The following MYH3 variants were observed in gnomAD, a reference collection of about 807,000 sequenced individuals.
MYH3 encodes myosin heavy chain 3.
MYH3 carries 130 observed loss-of-function variants against 238.0 expected under a neutral mutation model. The observed-to-expected ratio is 0.55, with a 90% CI of 0.47 to 0.63. The LOEUF (loss-of-function observed/expected upper bound fraction) is 0.63. Among genes scored for constraint, MYH3 ranks in the 30% least tolerant of loss-of-function variants. The pLI is 0.00. For missense variants in MYH3, 1,853 were observed against 2,374.9 expected, an observed-to-expected ratio of 0.78 and a Z score of 4.57; for synonymous variants, 880 against 924.1, an observed-to-expected ratio of 0.95 and a Z score of 0.86.
intron 12 of MYH3, 73 bp from the exon 13 acceptor site, chr17:10,644,775 G>A (rs1359721886): frequency 2.4e-6 from 3 of 1,233,030 alleles, no homozygotes; most frequent in Non-Finnish European, 3.6e-6. Context: ...AGTTTCAAAG[G>A]TTGGTTAAGT....
chr17:10,644,752 A>C lies in MYH3; in HGVS notation c.1142-50T>G, dbSNP rs929182044. 2.1e-6 allele frequency: 3 copies of C among 1,419,758 alleles called. No individual in the cohort carries two copies. The African/African-American group carries it at 4.2e-5, about 20-fold the overall frequency. 87.9% of individuals were successfully genotyped at this position (1,419,758 alleles called of 1,614,324 possible). Reference sequence around the variant, plus strand: ...TTAGAAAAGTAGAAGAGCTGCTTTGAAAATCATCCAGAAGTTTCAAAGGTT... The same window carrying C: ...TTAGAAAAGTAGAAGAGCTGCTTTGCAAATCATCCAGAAGTTTCAAAGGTT... On this transcript the variant is annotated intron_variant, in intron 12 of 40. Transcript: ENST00000583535.
intron 7 of MYH3, among the ~76,000 whole-genome samples, chr17:10,648,867 G>A (rs2074348457): frequency 6.6e-6 from 1 of 152,100 alleles, no homozygotes; most frequent in African/African-American, 2.4e-5. Context: ...TAGAGATGGG[G>A]TTTCTCCATA....
upstream of MYH3, among the ~76,000 whole-genome samples, chr17:10,660,625 C>A (rs1035750580): frequency 6.7e-6 from 1 of 150,062 alleles, no homozygotes; most frequent in East Asian, 2.0e-4. Context: ...TGCAGTGAGC[C>A]GAGATCATGC....
chr17:10,640,670 C>A lies in MYH3; in HGVS notation c.2182G>T (p.Ala728Ser). 2 of 1,614,216 alleles carry A rather than the reference C, an allele frequency of 1.2e-6. No homozygotes were observed. The highest frequency in any genetic ancestry group is 1.7e-6 in the Non-Finnish European group (2 of 1,180,030). ...DFKQRYRVLN[A>S]SAIPEGQFID... The stretch of plus-strand genomic sequence containing the variant: ...AATTGTCCCTCAGGGATTGCACTGG[C>A]ATTCAGCACTCGGTATCTGCATTGT... Residue 728 changes from alanine (A) to serine (S), a missense_variant, in exon 20 of 41, where the codon GCC (alanine) becomes TCC (serine). Ala to Ser is a moderately conservative substitution (Grantham distance 99). This residue lies in a region of MYH3 where 678 missense variants were observed against 1,058.9 expected (regional missense o/e 0.64). Coordinates refer to ENST00000583535, the MANE Select transcript of MYH3 (RefSeq NM_002470.4).
At chr17:10,667,761 A>AAAAAAT in the MYH3 span, among the ~76,000 whole-genome samples, 371 of 152,196 alleles carry the variant, frequency 2.4e-3, 4 homozygotes, top group African/African-American at 8.1e-3. Context: ...TTAAAAAAAA[A>AAAAAAT]ACAGTGTTCT....
intron 7 of MYH3, among the ~76,000 whole-genome samples, 159 bp downstream of exon 7, chr17:10,649,418 G>A (rs1361434260): frequency 1.3e-5 from 2 of 152,188 alleles, no homozygotes; most frequent in African/African-American, 2.4e-5. Context: ...TTGACACTGC[G>A]TTGTCTAAGG....
chr17:10,675,805 C>T, the MYH3 span: 1 of 152,140 alleles, frequency 6.6e-6, no homozygotes, highest in Non-Finnish European at 1.5e-5. Flanking sequence ...CTGAATAACG[C>T]CACCCTATGT....
chr17:10,674,953 A>G, the MYH3 span: 1 of 152,224 alleles, frequency 6.6e-6, no homozygotes, highest in African/African-American at 2.4e-5. Context: ...CTTGACTGAC[A>G]ACGACCAGCT....
intron 14 of MYH3, 89 bp downstream of exon 14, chr17:10,644,262 C>T: frequency 1.4e-6 from 2 of 1,394,766 alleles, no homozygotes; most frequent in Non-Finnish European, 1.0e-6. Flanking sequence ...ACTAAGACAG[C>T]CGCCATCTTG....
rs570572459 is a variant in MYH3, at chr17:10,650,509, T to C, written c.506-108A>G. 4 of 1,044,874 alleles carry C rather than the reference T, an allele frequency of 3.8e-6. No individual in the cohort carries two copies. In the African/African-American group the frequency reaches 6.3e-5, roughly 17 times the overall value. The allele number at this position is 1,044,874 out of a possible 1,614,324, so 64.7% of individuals were successfully genotyped here. A position where few individuals can be genotyped will look rare whatever the true frequency, so the allele number is the denominator to read the frequency against. On this transcript the variant is annotated intron_variant, in intron 5 of 40. Coordinates refer to ENST00000583535, the MANE Select transcript of MYH3 (RefSeq NM_002470.4). ...TTAAATTGCACAATTCCTCTTCCTTTACATTTTTTGTTTAGCCTTTAGGTG... is the reference window on the plus strand; with the variant it reads ...TTAAATTGCACAATTCCTCTTCCTTCACATTTTTTGTTTAGCCTTTAGGTG...
chr17:10,637,686 T>C, intron 28 of MYH3, 123 bp downstream of exon 28: 4 of 1,332,312 alleles, frequency 3.0e-6, no homozygotes, highest in South Asian at 2.5e-5. Flanking sequence ...CAATTTCTTC[T>C]CTCCTGAAAA....
chr17:10,666,880 G>A, the MYH3 span, among the ~76,000 whole-genome samples: 1 of 151,998 alleles, frequency 6.6e-6, no homozygotes, highest in Non-Finnish European at 1.5e-5. Flanking sequence ...AAAAAGACAA[G>A]GAAAACAACA....
At chr17:10,675,501 A>G in the MYH3 span, 1 of 152,146 alleles carries the variant, frequency 6.6e-6, no homozygotes, top group Non-Finnish European at 1.5e-5. Flanking sequence ...AAAGGCATAA[A>G]TCTTAAGTTC....
chr17:10,642,142 A>G lies in MYH3; in HGVS notation c.1959+98T>C. On this transcript the variant is annotated intron_variant, in intron 17 of 40. Transcript: ENST00000583535. This position sits in a 1 kb window ranked among gnomAD's most constrained non-coding sequence, Gnocchi z 5.4. ...GTGACAGTAATCAGATTAAGACAAC[A>G]CTACTACTCTCAAATAAATCAAGCT... 1 of 1,118,592 alleles carries G rather than the reference A, an allele frequency of 8.9e-7. No individual in the cohort carries two copies. The highest frequency in any genetic ancestry group is 1.3e-6 in the Non-Finnish European group (1 of 749,250). 69.3% of individuals were successfully genotyped at this position (1,118,592 alleles called of 1,614,324 possible).
intron 14 of MYH3, among the ~76,000 whole-genome samples, chr17:10,643,381 TTTC>T (rs888882900): frequency 1.3e-5 from 2 of 152,196 alleles, no homozygotes; most frequent in African/African-American, 4.8e-5. Flanking sequence ...CACTTTTTTT[TTTC>T]TTTTTTTTTT....
Position 10,633,737 on chromosome 17 carries a change from T to C in MYH3, c.4523-22A>G, listed in dbSNP as rs753040463. On this transcript the variant is annotated intron_variant, in intron 32 of 40. Coordinates refer to ENST00000583535, the MANE Select transcript of MYH3 (RefSeq NM_002470.4). ...TCCTCTGTAAAGAAGTAAGTTTCAG[T>C]TGCATATGAGCGCCTCTGCGTGGGT... The C allele has an allele frequency of 3.1e-5, 50 of 1,613,484 alleles. No individual in the cohort carries two copies. In the South Asian group the frequency reaches 5.3e-4, roughly 17 times the overall value.
chr17:10,669,326 G>T, the MYH3 span, among the ~76,000 whole-genome samples: 1 of 152,132 alleles, frequency 6.6e-6, no homozygotes. Context: ...GCCCAGGCAG[G>T]CAGATCACTT....
Position 10,642,895 on chromosome 17 carries a change from C to T in MYH3, c.1512G>A (p.Lys504=). ...MFVLEQEEYK[K]EGIEWTFIDF... ...CAATGAACGTCCACTCGATGCCTTC[C>T]TTCTTGTACTCCTCCTGCTCCAGCA... The change falls in exon 15 of 41, where the codon AAG becomes AAA. Residue 504 remains lysine (K), a synonymous_variant. Transcript: ENST00000583535. This position sits in a 1 kb window ranked among gnomAD's most constrained non-coding sequence, Gnocchi z 5.4. The T allele has an allele frequency of 3.1e-6, 5 of 1,614,186 alleles. No individual in the cohort carries two copies. Among genetic ancestry groups the T allele is most frequent in the Non-Finnish European group, 3.4e-6 (4 of 1,180,024 alleles).
At position 10,642,008 on chromosome 17, in the gene MYH3, A is replaced by AGTTTC. The variant is rs2074277657; in HGVS notation, c.1959+231_1959+232insGAAAC. Among the ~76,000 whole-genome samples, 1 of 151,954 alleles carries AGTTTC rather than the reference A, an allele frequency of 6.6e-6. No individual in the cohort carries two copies. The highest frequency in any genetic ancestry group is 2.4e-5 in the African/African-American group (1 of 41,356). ...GAAAATTGGAGAGTTTATGCTGGAA[A>AGTTTC]CTCGGACAAGCCAACTCAGCTATCT... On this transcript the variant is annotated intron_variant, in intron 17 of 40. Transcript: ENST00000583535. This position sits in a 1 kb window ranked among gnomAD's most constrained non-coding sequence, Gnocchi z 5.4.
Sources: gnomAD v4.1 joint callset for allele counts (sites outside exome capture counted in the v4.1 genomes callset) on GRCh38, gnomAD v4.1.1 for gene constraint, gnomAD v4.1.1 regional missense constraint, Gnocchi (gnomAD v3.1) non-coding constraint, MANE v1.5 for transcripts, NCBI Gene and HGNC (gene_info 2026-07-23, HGNC 2026-07-21) for gene names.